ZNF391: variants seen among roughly 807,000 people sequenced by gnomAD.
The protein encoded by ZNF391 is zinc finger protein 391.
For synonymous variants in ZNF391, 126 were observed against 142.1 expected (o/e 0.89, Z 0.80); for missense variants, 375 against 425.5 (o/e 0.88, Z 1.04).
At chr6:27,379,930 G>C (rs999833875) in intron 1 of ZNF391, among the ~76,000 whole-genome samples, 14 of 152,290 alleles carry the variant, frequency 9.2e-5, no homozygotes, top group Admixed American at 4.6e-4. Context: ...CCCACCAAAG[G>C]GGGTAGGGGA....
upstream of ZNF391, among the ~76,000 whole-genome samples, chr6:27,387,196 A>G (rs180888186): frequency 1.8e-3 from 276 of 152,364 alleles, 1 homozygote; most frequent in African/African-American, 6.4e-3. Context: ...ACAACAAAAC[A>G]GAAGTTAACA....
chr6:27,394,349 A>G (rs1761778578), intron 1 of ZNF391, among the ~76,000 whole-genome samples: 1 of 152,224 alleles, frequency 6.6e-6, no homozygotes, highest in Admixed American at 6.5e-5. Flanking sequence ...GGCTCCAGCC[A>G]TGGTTCCAAT....
intron 1 of ZNF391, among the ~76,000 whole-genome samples, chr6:27,397,607 T>A (rs1298153899): frequency 6.6e-6 from 1 of 152,152 alleles, no homozygotes; most frequent in South Asian, 2.1e-4. Flanking sequence ...TATTAAGGAA[T>A]GTTGGCATCA....
At chr6:27,390,647 C>T (rs1490524634) in intron 1 of ZNF391, among the ~76,000 whole-genome samples, 1 of 152,190 alleles carries the variant, frequency 6.6e-6, no homozygotes, top group Non-Finnish European at 1.5e-5. Flanking sequence ...AAGAATGCAT[C>T]TCTCCATGCT....
chr6:27,384,470 A>C (rs1240313744), upstream of ZNF391, among the ~76,000 whole-genome samples: 6 of 70,674 alleles, frequency 8.5e-5, no homozygotes, highest in African/African-American at 2.8e-4. Context: ...TCTCAAAAAA[A>C]AAAAAAAAAA....
chr6:27,375,587 A>G (rs1761405099), intron 1 of ZNF391, among the ~76,000 whole-genome samples: 1 of 152,224 alleles, frequency 6.6e-6, no homozygotes, highest in African/African-American at 2.4e-5. Flanking sequence ...TAGCCAATTA[A>G]GCACACACTG....
At chr6:27,394,848 G>T in intron 1 of ZNF391, among the ~76,000 whole-genome samples, 1 of 152,218 alleles carries the variant, frequency 6.6e-6, no homozygotes, top group East Asian at 1.9e-4. Flanking sequence ...GGACATATAG[G>T]AGCTTATTTT....
In ZNF391 at chr6:27,400,896, C is replaced by A; in HGVS notation, c.526C>A (p.Arg176=). The A allele has an allele frequency of 6.2e-7, 1 of 1,613,884 alleles. No individual in the cohort carries two copies. Among genetic ancestry groups the A allele is most frequent in the Non-Finnish European group, 8.5e-7 (1 of 1,179,948 alleles). ...CAATGAATGTGGAAAAGCTTTTAGC[C>A]GGAGCACACATCTTAGTCTACATCA... ...ECNECGKAFS[R]STHLSLHQRI... is the part of the protein sequence containing the mutation. The change falls in exon 3 of 3, where the codon CGG becomes AGG. Residue 176 remains arginine (R), a synonymous_variant. Transcript: ENST00000244576.
Position 27,400,928 on chromosome 6 carries a change from C to G in ZNF391, c.558C>G (p.Ile186Met). The change falls in exon 3 of 3, where the codon ATC (isoleucine) becomes ATG (methionine). Residue 186 changes from isoleucine (I) to methionine (M), a missense_variant. Transcript: ENST00000244576. ...RSTHLSLHQR[I>M]HTGEKPYECS... Reference sequence around the variant, plus strand: ...CACATCTTAGTCTACATCAGAGAATCCATACTGGAGAAAAACCATATGAAT... The same window carrying G: ...CACATCTTAGTCTACATCAGAGAATGCATACTGGAGAAAAACCATATGAAT... 6 of 1,613,932 alleles carry G rather than the reference C, an allele frequency of 3.7e-6. No homozygotes were observed. The highest frequency in any genetic ancestry group is 5.1e-6 in the Non-Finnish European group (6 of 1,179,964).
intron 1 of ZNF391, among the ~76,000 whole-genome samples, chr6:27,379,622 C>CA (rs1761467624): frequency 6.7e-6 from 1 of 149,500 alleles, no homozygotes; most frequent in African/African-American, 2.5e-5. Context: ...GACCCCCCCC[C>CA]ATACTTTTGT....
chr6:27,392,639 C>G (rs1761739590), intron 1 of ZNF391, among the ~76,000 whole-genome samples: 1 of 152,186 alleles, frequency 6.6e-6, no homozygotes, highest in Non-Finnish European at 1.5e-5. Context: ...GGCAGTCACT[C>G]TCTATACCCC....
chr6:27,395,257 G>T (rs10080564), intron 1 of ZNF391, among the ~76,000 whole-genome samples: 4,343 of 152,244 alleles, frequency 0.029, 70 homozygotes, highest in Non-Finnish European at 0.032. Context: ...TGGAGGTGAA[G>T]CCTGATGGGA....
In ZNF391 at chr6:27,401,321, C is replaced by T. The variant is rs1561815396; in HGVS notation, c.951C>T (p.Ser317=). Residue 317 remains serine (S), a synonymous_variant, in exon 3 of 3, where the codon AGC becomes AGT. Coordinates refer to ENST00000244576, the MANE Select transcript of ZNF391 (RefSeq NM_001076781.3). The stretch of plus-strand genomic sequence containing the variant: ...TGTGTGGAAAGGGCTTCAGTCGAAG[C>T]TCATCCCTTATTATTCATCAGAGAA... ...CRVCGKGFSR[S]SSLIIHQRTH... is the part of the protein sequence containing the mutation. 4 of 1,613,954 alleles carry T rather than the reference C, an allele frequency of 2.5e-6. No homozygotes were observed. Among genetic ancestry groups the T allele is most frequent in the African/African-American group, 1.3e-5 (1 of 74,884 alleles).
In ZNF391 at chr6:27,389,095, C is replaced by T. The variant is rs1387797090; in HGVS notation, c.-188+20C>T. On this transcript the variant is annotated intron_variant, in intron 1 of 2. Transcript: ENST00000244576. ...ACCAAGGTGGGTGCTCTTAGAGGTT[C>T]TGGAAAGCGGAAACACGGGTTCTTC... The T allele has an allele frequency of 2.2e-6, 1 of 456,610 alleles. No homozygotes were observed. The allele number at this position is 456,610 out of a possible 1,614,324, so 28.3% of individuals were successfully genotyped here. A position where few individuals can be genotyped will look rare whatever the true frequency, so the allele number is the denominator to read the frequency against.
In ZNF391 at chr6:27,380,422, G is replaced by A. The variant is rs779537258; in HGVS notation, n.523+5285G>A. ...GTTGTTCGTTTCTCCCGGTGGGTTCGTGGTCTCGCTGGCTTCAAGAGTGAA... is the reference window on the plus strand; with the variant it reads ...GTTGTTCGTTTCTCCCGGTGGGTTCATGGTCTCGCTGGCTTCAAGAGTGAA... On this transcript the variant is annotated intron_variant and non_coding_transcript_variant, in intron 1 of 2. Coordinates refer to the ZNF391 transcript ENST00000477999. 4.8e-4 allele frequency among the ~76,000 whole-genome samples: 73 copies of A among 152,252 alleles called. 1 individual carries two copies. The Middle Eastern group carries it at 0.014, about 28-fold the overall frequency.
At position 27,403,603 on chromosome 6, in the gene ZNF391, G is replaced by A. The variant is rs1383653862; in HGVS notation, c.*2156G>A. 6.6e-6 allele frequency: 1 copy of A among 152,188 alleles called. No homozygotes were observed. The highest frequency in any genetic ancestry group is 2.4e-5 in the African/African-American group (1 of 41,444). The allele number at this position is 152,188 out of a possible 1,614,324, so 9.4% of individuals were successfully genotyped here. ...AGCCTCATATAATACATAGTACAAT[G>A]CCAGCCTGGACTCTAGTTTTAATCT... On this transcript the variant is annotated 3_prime_UTR_variant, in exon 3 of 3. Coordinates refer to ENST00000244576, the MANE Select transcript of ZNF391 (RefSeq NM_001076781.3).
chr6:27,386,693 G>A (rs1761588247), upstream of ZNF391, among the ~76,000 whole-genome samples: 1 of 151,980 alleles, frequency 6.6e-6, no homozygotes, highest in Non-Finnish European at 1.5e-5. Flanking sequence ...TGGGAAAACT[G>A]GATATCCAAA....
At position 27,401,690 on chromosome 6, in the gene ZNF391, C is replaced by G; in HGVS notation, c.*243C>G. The G allele has an allele frequency of 2.8e-6, 1 of 356,234 alleles. No homozygotes were observed. Among genetic ancestry groups the G allele is most frequent in the Non-Finnish European group, 5.0e-6 (1 of 198,164 alleles). 22.1% of individuals were successfully genotyped at this position (356,234 alleles called of 1,614,324 possible). On this transcript the variant is annotated 3_prime_UTR_variant, in exon 3 of 3. Coordinates refer to ENST00000244576, the MANE Select transcript of ZNF391 (RefSeq NM_001076781.3). ...TCCCTGTTCTTTCTTTCTCTTTTCT[C>G]AAATAAGTTCACAATAAAACAAAGG...
chr6:27,377,141 A>G (rs1271491049), intron 1 of ZNF391, among the ~76,000 whole-genome samples: 1 of 152,234 alleles, frequency 6.6e-6, no homozygotes, highest in Non-Finnish European at 1.5e-5. Context: ...CAAATAAAGC[A>G]GGATTGGAAA....
Sources: gnomAD v4.1 joint callset for allele counts (sites outside exome capture counted in the v4.1 genomes callset) on GRCh38, gnomAD v4.1.1 for gene constraint, MANE v1.5 for transcripts, NCBI Gene and HGNC (gene_info 2026-07-23, HGNC 2026-07-21) for gene names.